The following IFT122 variants were observed in gnomAD, a reference collection of about 807,000 sequenced individuals.
IFT122 encodes the protein intraflagellar transport protein 122 homolog.
In IFT122, 118 loss-of-function variants were observed where a neutral mutation model predicts 161.6. The observed-to-expected ratio is 0.73, with a 90% CI of 0.63 to 0.85. The LOEUF (loss-of-function observed/expected upper bound fraction) is 0.85, where lower values mean the gene tolerates loss of function less well. Ranked by LOEUF, IFT122 falls within the 40% of genes least tolerant of loss-of-function variation. The pLI, the probability that IFT122 is intolerant of heterozygous loss-of-function variation, is 0.00. For missense variants in IFT122, 1,381 were observed against 1,579.6 expected (o/e 0.87, Z 2.13); for synonymous variants, 550 against 602.4 (o/e 0.91, Z 1.27).
At chr3:129,517,268 G>GCACACACACACACACA (rs777108020) in intron 26 of IFT122, among the ~76,000 whole-genome samples, 3 of 117,002 alleles carry the variant, frequency 2.6e-5, no homozygotes, top group African/African-American at 9.7e-5. Context: ...CATTGCTCCT[G>GCACACACACACACACA]CACACACACA....
Position 129,440,347 on chromosome 3 carries a change from C to T in IFT122, c.17C>T (p.Thr6Met), listed in dbSNP as rs2072781295. Residue 6 changes from threonine (T) to methionine (M), a missense_variant, in exon 1 of 30, where the codon ACG becomes ATG. Around this residue, in one of 7 missense-constraint regions of IFT122, gnomAD observed 134 missense variants for 137.4 expected, o/e 0.98. Coordinates refer to ENST00000348417, the MANE Select transcript of IFT122 (RefSeq NM_052989.3). Reference sequence around the variant, plus strand: ...GAAGCCGTGATGAGGGCCGTGTTGACGTGGAGAGATAAAGCCGAGCACTGG... The same window carrying T: ...GAAGCCGTGATGAGGGCCGTGTTGATGTGGAGAGATAAAGCCGAGCACTGG... Reference protein sequence around the residue: MRAVLTWRDKAEHCIN... With the variant: MRAVLMWRDKAEHCIN... 1 of 1,550,868 alleles carries T rather than the reference C, an allele frequency of 6.4e-7. No individual in the cohort carries two copies. Among genetic ancestry groups the T allele is most frequent in the African/African-American group, 1.4e-5 (1 of 73,144 alleles).
chr3:129,476,437 G>A lies in IFT122; in HGVS notation c.939G>A (p.Arg313=). The A allele has an allele frequency of 6.2e-7, 1 of 1,614,140 alleles. No individual in the cohort carries two copies. The highest frequency in any genetic ancestry group is 8.5e-7 in the Non-Finnish European group (1 of 1,180,034). The part of the protein sequence containing the change: ...QVSLFTKDGV[R]LGTVGEQNSW... ...CTCTTTTCACCAAGGATGGAGTGCG[G>A]CTTGGGACTGTTGGGGAGCAGAACT... is the stretch of plus-strand genomic sequence containing the variant. Residue 313 remains arginine, a synonymous_variant, in exon 10 of 30, where the codon CGG becomes CGA. Coordinates refer to ENST00000348417, the MANE Select transcript of IFT122 (RefSeq NM_052989.3).
intron 9 of IFT122, 57 bp from the exon 10 acceptor site, chr3:129,476,258 G>T: frequency 1.3e-6 from 2 of 1,591,726 alleles, no homozygotes; most frequent in Admixed American, 3.4e-5. Flanking sequence ...TAATTGTATT[G>T]CAATGGTTAT....
At chr3:129,478,663 G>C (rs1446912047) in intron 12 of IFT122, among the ~76,000 whole-genome samples, 1 of 152,112 alleles carries the variant, frequency 6.6e-6, no homozygotes, top group Non-Finnish European at 1.5e-5. Context: ...GCTAAGGCGG[G>C]AGGAATGCTT....
chr3:129,477,324 C>G (rs1444488472), intron 11 of IFT122, among the ~76,000 whole-genome samples: 1 of 152,206 alleles, frequency 6.6e-6, no homozygotes, highest in East Asian at 1.9e-4. Context: ...ACTGCAGTCT[C>G]TCCCTCTGTC....
intron 9 of IFT122, 25 bp downstream of exon 9, chr3:129,469,442 T>C: frequency 6.5e-7 from 1 of 1,539,574 alleles, no homozygotes; most frequent in Non-Finnish European, 9.0e-7. Flanking sequence ...ACAAATCCAA[T>C]TGCAGTCATG....
chr3:129,499,565 C>T (rs1053929760), intron 18 of IFT122, among the ~76,000 whole-genome samples: 8 of 152,198 alleles, frequency 5.3e-5, no homozygotes, highest in Non-Finnish European at 7.3e-5. Context: ...CATGAACCCC[C>T]GACCCTGCAG....
intron 24 of IFT122, chr3:129,512,691 A>G: frequency 2.0e-6 from 1 of 496,622 alleles, no homozygotes; most frequent in Non-Finnish European, 3.7e-6. Context: ...GAACCCACAG[A>G]TGAGGGTGTG....
At chr3:129,502,945 G>C (rs1042613861) in intron 20 of IFT122, 63 bp downstream of exon 20, 4 of 1,540,884 alleles carry the variant, frequency 2.6e-6, no homozygotes, top group Non-Finnish European at 3.5e-6. Flanking sequence ...CAGGCGGGTG[G>C]GTACAGGGGC....
At chr3:129,461,168 T>C in intron 4 of IFT122, 60 bp from the exon 5 acceptor site, 4 of 1,340,224 alleles carry the variant, frequency 3.0e-6, no homozygotes, top group South Asian at 2.3e-5. Context: ...AATCTTCAGT[T>C]GTAGCCACTG....
chr3:129,512,373 A>G lies in IFT122; in HGVS notation c.2948A>G (p.His983Arg). The G allele has an allele frequency of 1.2e-6, 2 of 1,614,042 alleles. No individual in the cohort carries two copies. Among genetic ancestry groups the G allele is most frequent in the Non-Finnish European group, 1.7e-6 (2 of 1,179,932 alleles). Reference protein sequence around the residue: ...TLFNISRFLLHSLPKDTPSGI... With the variant: ...TLFNISRFLLRSLPKDTPSGI... ...TTCAACATCTCCAGGTTCCTGCTGC[A>G]CAGCCTGCCCAAGGACACCCCCTCG... Residue 983 changes from histidine to arginine, a missense_variant, in exon 24 of 30, where the codon CAC becomes CGC. This residue lies in a region of IFT122 where 496 missense variants were observed against 502.5 expected (regional missense o/e 0.99). Transcript: ENST00000348417.
At chr3:129,517,634 G>A (rs1226787673) in intron 27 of IFT122, 40 bp downstream of exon 27, 3 of 1,606,458 alleles carry the variant, frequency 1.9e-6, no homozygotes, top group Middle Eastern at 1.7e-4. Flanking sequence ...GTGCGGCTGT[G>A]TGAGGGGTCT....
intron 3 of IFT122, among the ~76,000 whole-genome samples, chr3:129,458,344 C>G (rs1420646191): frequency 6.6e-6 from 1 of 152,136 alleles, no homozygotes; most frequent in Non-Finnish European, 1.5e-5. Context: ...TTAATCATTA[C>G]TTAATCCCTA....
rs543038694 is a variant in IFT122, at chr3:129,489,241, G to A, written c.1992+844G>A. 9.2e-5 allele frequency among the ~76,000 whole-genome samples: 14 copies of A among 152,276 alleles called. 1 individual carries two copies. The highest frequency in any genetic ancestry group is 3.4e-4 in the African/African-American group (14 of 41,554). On this transcript the variant is annotated intron_variant, in intron 16 of 29. Transcript: ENST00000348417. ...TTGTAGGCATGAAGAGAGGAGACTGGACCAGACCAGGACTAAGAAGCCTGG... is the reference window on the plus strand; with the variant it reads ...TTGTAGGCATGAAGAGAGGAGACTGAACCAGACCAGGACTAAGAAGCCTGG...
intron 1 of IFT122, among the ~76,000 whole-genome samples, chr3:129,444,198 C>A (rs151338787): frequency 6.6e-6 from 1 of 152,194 alleles, no homozygotes; most frequent in African/African-American, 2.4e-5. Context: ...CCACGTCCCC[C>A]CTACTTTTTA....
chr3:129,485,476 G>A (rs2079160701), intron 15 of IFT122, among the ~76,000 whole-genome samples: 1 of 152,222 alleles, frequency 6.6e-6, no homozygotes, highest in South Asian at 2.1e-4. Flanking sequence ...AAAGCAAGAG[G>A]AAGAAGGGAA....
intron 20 of IFT122, chr3:129,504,070 T>C (rs534648345): frequency 7.7e-5 from 39 of 506,302 alleles, no homozygotes; most frequent in South Asian, 7.4e-4. Context: ...GTGCCGCTTC[T>C]GTGGTCCAGA....
chr3:129,476,156 G>C, intron 9 of IFT122, 159 bp from the exon 10 acceptor site: 1 of 748,200 alleles, frequency 1.3e-6, no homozygotes, highest in Non-Finnish European at 2.3e-6. Flanking sequence ...AGGCAGAGAG[G>C]CCTGTGTTCA....
At chr3:129,464,817 C>T in intron 7 of IFT122, 36 bp downstream of exon 7, 1 of 1,611,708 alleles carries the variant, frequency 6.2e-7, no homozygotes. Context: ...AGAACAAACA[C>T]CATCATGAAG....
Sources: allele counts gnomAD v4.1 joint callset (sites outside exome capture counted in the v4.1 genomes callset), GRCh38; gene constraint gnomAD v4.1.1; regional missense constraint gnomAD v4.1.1; transcripts MANE v1.5; gene names NCBI Gene and HGNC (gene_info 2026-07-23, HGNC 2026-07-21).